Variants in PPEF2 observed in about 807,000 individuals in gnomAD.
PPEF2 encodes serine/threonine-protein phosphatase with EF-hands 2.
Under a neutral mutation model 84.7 loss-of-function variants are expected in PPEF2, and 84 were observed. That is an observed-to-expected ratio of 0.99 (90% CI 0.83 to 1.19). The LOEUF (loss-of-function observed/expected upper bound fraction) is 1.19, where lower values mean the gene tolerates loss of function less well. Ranked by LOEUF, PPEF2 falls within the 50% of genes most tolerant of loss-of-function variation. The probability of loss-of-function intolerance (pLI) is 0.00; values close to 1 mark genes in which losing one functional copy is unlikely to be tolerated. For synonymous variants in PPEF2, 346 were observed against 345.2 expected (o/e 1.00, Z -0.03); for missense variants, 924 against 937.5 (o/e 0.99, Z 0.19).
chr4:75,882,651 C>T (rs1724607047), intron 10 of PPEF2: 1 of 281,150 alleles, frequency 3.6e-6, no homozygotes, highest in African/African-American at 2.2e-5. Context: ...GCCCATGCCA[C>T]CACTCCCAGC....
chr4:75,882,999 T>G lies in PPEF2; in HGVS notation c.860A>C (p.Lys287Thr). Reference protein sequence around the residue: ...WLPLATLIDEKVLILHGGVSD... With the variant: ...WLPLATLIDETVLILHGGVSD... ...CACCCCACCATGAAGAATTAGAACT[T>G]TCTCATCTATCAGAGTGGCCAGTGG... is the stretch of plus-strand genomic sequence containing the variant. The change falls in exon 10 of 17, where the codon AAA (lysine) becomes ACA (threonine). Residue 287 changes from lysine to threonine, a missense_variant. Transcript: ENST00000286719. 1 of 1,614,214 alleles carries G rather than the reference T, an allele frequency of 6.2e-7. No individual in the cohort carries two copies. Among genetic ancestry groups the G allele is most frequent in the Non-Finnish European group, 8.5e-7 (1 of 1,180,030 alleles).
chr4:75,889,552 C>T (rs577225125), intron 5 of PPEF2, among the ~76,000 whole-genome samples: 3 of 152,302 alleles, frequency 2.0e-5, no homozygotes, highest in East Asian at 1.9e-4. Flanking sequence ...TAGCTCTCAT[C>T]GCCTTCTAAT....
intron 15 of PPEF2, 41 bp downstream of exon 15, chr4:75,866,148 T>G: frequency 6.4e-7 from 1 of 1,555,352 alleles, no homozygotes; most frequent in Non-Finnish European, 8.7e-7. Context: ...AGGAGTATCA[T>G]AGTCCACATG....
At chr4:75,867,285 T>C (rs1724152964) in intron 14 of PPEF2, 28 bp downstream of exon 14, 1 of 1,559,652 alleles carries the variant, frequency 6.4e-7, no homozygotes, top group African/African-American at 1.4e-5. Context: ...TTCCTTCCTC[T>C]GTGAATCTTT....
At chr4:75,861,650 C>A (rs1724004244) in intron 16 of PPEF2, among the ~76,000 whole-genome samples, 1 of 96,894 alleles carries the variant, frequency 1.0e-5, no homozygotes, top group Non-Finnish European at 2.3e-5. Context: ...CGCTCTGTCA[C>A]CCAGGCTGGA....
chr4:75,889,199 G>C (rs964363523), intron 5 of PPEF2: 1 of 152,568 alleles, frequency 6.6e-6, no homozygotes, highest in African/African-American at 2.4e-5. Context: ...ATGACAGAGC[G>C]AGACTCTGTC....
In PPEF2 at chr4:75,872,007, C is replaced by T; in HGVS notation, c.1649+18G>A. On this transcript the variant is annotated intron_variant, in intron 13 of 16. Transcript: ENST00000286719. Reference sequence around the variant, plus strand: ...CTATAATTTTTTTTTCTGAAAATCACTCATTGAAAAGTCTTGCCTTTGCCT... The same window carrying T: ...CTATAATTTTTTTTTCTGAAAATCATTCATTGAAAAGTCTTGCCTTTGCCT... 6.4e-7 allele frequency: 1 copy of T among 1,556,182 alleles called. No homozygotes were observed. The highest frequency in any genetic ancestry group is 8.7e-7 in the Non-Finnish European group (1 of 1,153,260).
intron 1 of PPEF2, among the ~76,000 whole-genome samples, chr4:75,900,469 A>T (rs555798580): frequency 4.6e-5 from 7 of 152,164 alleles, no homozygotes; most frequent in Non-Finnish European, 8.8e-5. Flanking sequence ...CAAAAAGGAT[A>T]TGTTTTCCTA....
intron 1 of PPEF2, among the ~76,000 whole-genome samples, chr4:75,897,837 C>T (rs980691404): frequency 7.2e-5 from 11 of 152,166 alleles, no homozygotes; most frequent in African/African-American, 2.7e-4. Context: ...CCAGCTCAGT[C>T]AGGGAGACCC....
chr4:75,899,778 A>C (rs1294225686), intron 1 of PPEF2, among the ~76,000 whole-genome samples: 3 of 113,804 alleles, frequency 2.6e-5, no homozygotes, highest in Non-Finnish European at 3.9e-5. Flanking sequence ...TCATGTCCAA[A>C]CCAACAAAAC....
At chr4:75,888,387 G>A in intron 5 of PPEF2, 59 bp from the exon 6 acceptor site, 1 of 1,319,450 alleles carries the variant, frequency 7.6e-7, no homozygotes, top group Non-Finnish European at 1.1e-6. Context: ...GAGGGAAAAT[G>A]GTCCTTACCT....
chr4:75,884,890 G>C lies in PPEF2; in HGVS notation c.580-130C>G, dbSNP rs1480999575. On this transcript the variant is annotated intron_variant, in intron 7 of 16. Transcript: ENST00000286719. ...TCTGTGCTTTCTAGGTCTCCTCCAA[G>C]CCTGAAATGTCAGTAAATGATGGAA... 4.0e-6 allele frequency: 3 copies of C among 745,340 alleles called. No individual in the cohort carries two copies. The East Asian group carries it at 7.8e-5, about 19-fold the overall frequency. 46.2% of individuals were successfully genotyped at this position (745,340 alleles called of 1,614,324 possible).
intron 15 of PPEF2, 121 bp downstream of exon 15, chr4:75,866,068 T>G (rs1724122512): frequency 5.3e-6 from 6 of 1,128,206 alleles, no homozygotes; most frequent in Non-Finnish European, 7.5e-6. Flanking sequence ...GAAATAGTTA[T>G]TCCCCTTTCT....
chr4:75,886,379 G>C (rs1331011085), intron 7 of PPEF2, among the ~76,000 whole-genome samples: 1 of 152,132 alleles, frequency 6.6e-6, no homozygotes, highest in Non-Finnish European at 1.5e-5. Flanking sequence ...AACCGGGTGC[G>C]GCCGGAAAGG....
At chr4:75,895,482 C>T (rs1392061139) in intron 2 of PPEF2, among the ~76,000 whole-genome samples, 3 of 151,754 alleles carry the variant, frequency 2.0e-5, no homozygotes, top group African/African-American at 7.3e-5. Flanking sequence ...CCTGTAATCC[C>T]AGCACTTTGG....
intron 11 of PPEF2, among the ~76,000 whole-genome samples, chr4:75,875,706 C>A (rs1345996719): frequency 6.6e-6 from 1 of 152,234 alleles, no homozygotes; most frequent in Non-Finnish European, 1.5e-5. Context: ...CCATAGTCAT[C>A]ATCGGTGAAG....
chr4:75,896,678 T>G (rs1460684809), intron 1 of PPEF2, among the ~76,000 whole-genome samples: 1 of 152,186 alleles, frequency 6.6e-6, no homozygotes, highest in Non-Finnish European at 1.5e-5. Flanking sequence ...TTCCTCTAAC[T>G]GTCACCCAAC....
At chr4:75,884,105 G>A (rs1367201336) in intron 8 of PPEF2, among the ~76,000 whole-genome samples, 1 of 151,892 alleles carries the variant, frequency 6.6e-6, no homozygotes, top group African/African-American at 2.4e-5. Context: ...TGCACAGCCT[G>A]GGCAACAAGA....
chr4:75,882,948 A>G lies in PPEF2; in HGVS notation c.911T>C (p.Leu304Ser). 6.2e-7 allele frequency: 1 copy of G among 1,613,132 alleles called. No homozygotes were observed. The highest frequency in any genetic ancestry group is 8.5e-7 in the Non-Finnish European group (1 of 1,179,628). ...GVSDITDLEL[L>S]DKIERSKIVS... ...TACCTTGCTCCTCTCTATTTTGTCC[A>G]AAAGCTCCAGATCAGTTATGTCTGA... Residue 304 changes from leucine (L) to serine (S), a missense_variant, in exon 10 of 17, where the codon TTG becomes TCG. Transcript: ENST00000286719.
Sources: allele counts gnomAD v4.1 joint callset (sites outside exome capture counted in the v4.1 genomes callset), GRCh38; gene constraint gnomAD v4.1.1; transcripts MANE v1.5; gene names NCBI Gene and HGNC (gene_info 2026-07-23, HGNC 2026-07-21).